GLDC: variants seen among roughly 807,000 people sequenced by gnomAD.
The protein encoded by GLDC is glycine decarboxylase.
A neutral mutation model predicts 121.3 loss-of-function variants in GLDC; 104 were observed. The observed-to-expected ratio is 0.86, with a 90% CI of 0.73 to 1.01. The LOEUF is 1.01. Ranked by LOEUF, GLDC falls within the 50% of genes least tolerant of loss-of-function variation. GLDC has a pLI of 0.00. For synonymous variants in GLDC, 546 were observed against 480.6 expected, an observed-to-expected ratio of 1.14 and a Z score of -1.78; for missense variants, 1,429 against 1,306.6, an observed-to-expected ratio of 1.09 and a Z score of -1.44.
At chr9:6,616,535 G>A (rs1472483967) in intron 3 of GLDC, among the ~76,000 whole-genome samples, 1 of 152,192 alleles carries the variant, frequency 6.6e-6, no homozygotes, top group Non-Finnish European at 1.5e-5. Flanking sequence ...GGATCTGAGA[G>A]ATGACAAATA....
chr9:6,645,653 A>T lies in GLDC; in HGVS notation c.-154T>A, dbSNP rs919645948. The T allele has an allele frequency of 2.3e-6, 1 of 429,686 alleles. No individual in the cohort carries two copies. Among genetic ancestry groups the T allele is most frequent in the Non-Finnish European group, 3.6e-6 (1 of 277,080 alleles). The allele number at this position is 429,686 out of a possible 1,614,324, so 26.6% of individuals were successfully genotyped here. On this transcript the variant is annotated 5_prime_UTR_variant, in exon 1 of 25. The change creates a new upstream start codon in the 5' untranslated region. Transcript: ENST00000321612. ...ACAGATGGATGGACGCTCGCGGGCA[A>T]TGAATGGGCGCTGCGCTCAACCAAG...
intron 16 of GLDC, among the ~76,000 whole-genome samples, chr9:6,558,985 A>G (rs1817690590): frequency 6.6e-6 from 1 of 152,170 alleles, no homozygotes; most frequent in Non-Finnish European, 1.5e-5. Context: ...ACCTTGTCTC[A>G]GTTAGGATAC....
At chr9:6,601,251 G>C (rs149581276) in intron 8 of GLDC, among the ~76,000 whole-genome samples, 203 of 152,294 alleles carry the variant, frequency 1.3e-3, no homozygotes, top group African/African-American at 4.6e-3. Context: ...CTCAAGCACA[G>C]TCATCACAAA....
rs1817682144 is a variant in GLDC, at chr9:6,558,543, A to C, written c.2052+16T>G. ...CCATCCCGGCCTCTCCCATCTGCTA[A>C]GGAGAAGACAAGTACCATGGCCTTG... On this transcript the variant is annotated intron_variant, in intron 17 of 24. Coordinates refer to ENST00000321612, the MANE Select transcript of GLDC (RefSeq NM_000170.3). The C allele has an allele frequency of 1.9e-6, 3 of 1,614,008 alleles. No individual in the cohort carries two copies. The highest frequency in any genetic ancestry group is 1.3e-5 in the African/African-American group (1 of 75,042).
chr9:6,540,350 G>A (rs981264506), intron 21 of GLDC: 2 of 561,292 alleles, frequency 3.6e-6, no homozygotes, highest in African/African-American at 3.8e-5. Context: ...TTAGCACACT[G>A]TGCCGATGTG....
At position 6,532,733 on chromosome 9, in the gene GLDC, A is replaced by T; in HGVS notation, c.*284T>A. 1 of 418,900 alleles carries T rather than the reference A, an allele frequency of 2.4e-6. No homozygotes were observed. Among genetic ancestry groups the T allele is most frequent in the East Asian group, 5.1e-5 (1 of 19,664 alleles). The allele number at this position is 418,900 out of a possible 1,614,324, so 25.9% of individuals were successfully genotyped here. On this transcript the variant is annotated 3_prime_UTR_variant, in exon 25 of 25. Coordinates refer to ENST00000321612, the MANE Select transcript of GLDC (RefSeq NM_000170.3). ...ATGACATCTGCAAACTTGCCACATT[A>T]AAAGTTAAAGTTCCTAAAACTTTCT...
rs1402896169 is a variant in GLDC at position 6,558,634 on chromosome 9, G to A, written c.1977C>T (p.His659=). ...SAHGTNPASA[H]MAGMKIQPVE... is the part of the protein sequence containing the mutation. ...CAGGCTGAATCTTCATGCCTGCCAT[G>A]TGGGCACTTGCTGGGTTGGTCCCAT... Residue 659 remains histidine (H), a synonymous_variant, in exon 17 of 25, where the codon CAC becomes CAT. Coordinates refer to ENST00000321612, the MANE Select transcript of GLDC (RefSeq NM_000170.3). 3 of 1,614,020 alleles carry A rather than the reference G, an allele frequency of 1.9e-6. No individual in the cohort carries two copies. The African/African-American group carries it at 4.0e-5, about 22-fold the overall frequency.
At chr9:6,576,229 G>T (rs142396244) in intron 15 of GLDC, among the ~76,000 whole-genome samples, 1 of 152,298 alleles carries the variant, frequency 6.6e-6, no homozygotes, top group Non-Finnish European at 1.5e-5. Context: ...AGGCTGAGAT[G>T]TCCAAGATCC....
chr9:6,609,310 C>G (rs1818802344), intron 4 of GLDC, among the ~76,000 whole-genome samples: 1 of 152,138 alleles, frequency 6.6e-6, no homozygotes, highest in Non-Finnish European at 1.5e-5. Flanking sequence ...CTATTAATAA[C>G]AGTAAGAGAC....
rs1818325763 is a variant in GLDC, at chr9:6,589,114, G to A, written c.1580+81C>T. ...CCAGAATAACCAGGCCACAGCAGGC[G>A]AAATCAGCAGCAGCACTCTGCCTAA... On this transcript the variant is annotated intron_variant, in intron 12 of 24. Coordinates refer to ENST00000321612, the MANE Select transcript of GLDC (RefSeq NM_000170.3). The A allele has an allele frequency of 2.9e-5, 26 of 889,072 alleles. No homozygotes were observed. The Middle Eastern group carries it at 9.3e-4, about 32-fold the overall frequency. The allele number at this position is 889,072 out of a possible 1,614,324, so 55.1% of individuals were successfully genotyped here. A position where few individuals can be genotyped will look rare whatever the true frequency, so the allele number is the denominator to read the frequency against.
chr9:6,633,169 T>C (rs1385933968), intron 2 of GLDC, among the ~76,000 whole-genome samples: 4 of 152,178 alleles, frequency 2.6e-5, no homozygotes, highest in African/African-American at 9.7e-5. Flanking sequence ...TTCCCTCTTC[T>C]GCCTAAGAAA....
At chr9:6,567,474 TC>T (rs1817876293) in intron 15 of GLDC, 1 of 152,176 alleles carries the variant, frequency 6.6e-6, no homozygotes, top group African/African-American at 2.4e-5. Context: ...TGTAGTGAGA[TC>T]ATCAAGGTCA....
chr9:6,597,962 GA>G (rs2129870732), intron 8 of GLDC, among the ~76,000 whole-genome samples: 1 of 152,138 alleles, frequency 6.6e-6, no homozygotes, highest in African/African-American at 2.4e-5. Flanking sequence ...AGAATATAAA[GA>G]ACAGAACATA....
Position 6,532,853 on chromosome 9 carries a change from C to G in GLDC, c.*164G>C. 1.4e-6 allele frequency: 1 copy of G among 690,764 alleles called. No homozygotes were observed. The highest frequency in any genetic ancestry group is 1.8e-5 in the African/African-American group (1 of 57,002). The allele number at this position is 690,764 out of a possible 1,614,324, so 42.8% of individuals were successfully genotyped here. A position where few individuals can be genotyped will look rare whatever the true frequency, so the allele number is the denominator to read the frequency against. The stretch of plus-strand genomic sequence containing the variant: ...CGTCTTCCAACCATCAGCTTCGACT[C>G]CCTCCAGCTACTGTATTTACATTTA... On this transcript the variant is annotated 3_prime_UTR_variant, in exon 25 of 25. Coordinates refer to ENST00000321612, the MANE Select transcript of GLDC (RefSeq NM_000170.3).
In GLDC at chr9:6,589,300, A is replaced by G; in HGVS notation, c.1483-8T>C. ...GCTTTCAGCAACCAGTTCCTGAAGG[A>G]GAAACACAGAGATGATAGGGCCAGA... On this transcript the variant is annotated splice_polypyrimidine_tract_variant and splice_region_variant and intron_variant, in intron 11 of 24. Transcript: ENST00000321612. 1 of 1,540,138 alleles carries G rather than the reference A, an allele frequency of 6.5e-7. No homozygotes were observed.
chr9:6,534,947 A>G (rs1817091180), intron 23 of GLDC, among the ~76,000 whole-genome samples, 159 bp from the exon 24 acceptor site: 1 of 152,204 alleles, frequency 6.6e-6, no homozygotes, highest in East Asian at 1.9e-4. Flanking sequence ...TAATTGTGAA[A>G]TATTTTAAAT....
In GLDC at chr9:6,543,892, AG is replaced by A. The variant is rs56906794; in HGVS notation, c.2570-3747del. On this transcript the variant is annotated intron_variant, in intron 21 of 24. Coordinates refer to ENST00000321612, the MANE Select transcript of GLDC (RefSeq NM_000170.3). Reference sequence around the variant, plus strand: ...ACGTGAAAGGGGCAAGGAGGACAGGAGGGGGGGGGATGAAGGAAAAGCAAGG... The same window carrying A: ...ACGTGAAAGGGGCAAGGAGGACAGGAGGGGGGGGATGAAGGAAAAGCAAGG... 7.1e-3 allele frequency among the ~76,000 whole-genome samples: 1,051 copies of A among 148,596 alleles called. 15 individuals carry two copies. The highest frequency in any genetic ancestry group is 0.025 in the African/African-American group (987 of 40,282).
At chr9:6,643,604 C>G (rs1819672513) in intron 2 of GLDC, among the ~76,000 whole-genome samples, 1 of 151,502 alleles carries the variant, frequency 6.6e-6, no homozygotes. Flanking sequence ...AGTCAAATAC[C>G]CACATAAAAA....
chr9:6,631,037 G>A (rs1441014217), intron 2 of GLDC, among the ~76,000 whole-genome samples: 2 of 152,200 alleles, frequency 1.3e-5, no homozygotes, highest in East Asian at 1.9e-4. Flanking sequence ...TCTGCACAGC[G>A]TACAGAGGAA....
Sources: gnomAD v4.1 joint callset for allele counts (sites outside exome capture counted in the v4.1 genomes callset) on GRCh38, gnomAD v4.1.1 for gene constraint, MANE v1.5 for transcripts, NCBI Gene and HGNC (gene_info 2026-07-23, HGNC 2026-07-21) for gene names.